UNC5B: variants seen among roughly 807,000 people sequenced by gnomAD.
UNC5B encodes the protein netrin receptor UNC5B.
In UNC5B, 56 loss-of-function variants were observed where a neutral mutation model predicts 103.7. That is an observed-to-expected ratio of 0.54 (90% CI 0.44 to 0.67). The LOEUF is 0.67. Ranked by LOEUF, UNC5B falls within the 30% of genes least tolerant of loss-of-function variation. The probability of loss-of-function intolerance (pLI) is 0.00; values close to 1 mark genes in which losing one functional copy is unlikely to be tolerated. For missense variants in UNC5B, 1,194 were observed against 1,284.5 expected (o/e 0.93, Z 1.08); for synonymous variants, 577 against 542.0 (o/e 1.06, Z -0.90).
chr10:71,274,412 ATC>A (rs1421107357), intron 1 of UNC5B, among the ~76,000 whole-genome samples: 1 of 152,208 alleles, frequency 6.6e-6, no homozygotes, highest in Non-Finnish European at 1.5e-5. Flanking sequence ...CAATGGCTGA[ATC>A]TCAAATTGCA....
chr10:71,241,830 G>T (rs554621231), intron 1 of UNC5B, among the ~76,000 whole-genome samples: 2 of 152,204 alleles, frequency 1.3e-5, no homozygotes, highest in South Asian at 4.2e-4. Context: ...GTGGGTGAAG[G>T]CCAGGCTAAC....
At position 71,291,019 on chromosome 10, in the gene UNC5B, A is replaced by G; in HGVS notation, c.1204A>G (p.Asn402Asp). The G allele has an allele frequency of 3.7e-6, 6 of 1,614,002 alleles. No homozygotes were observed. Among genetic ancestry groups the G allele is most frequent in the Non-Finnish European group, 5.1e-6 (6 of 1,179,980 alleles). Residue 402 changes from asparagine (N) to aspartate (D), a missense_variant, in exon 9 of 17, where the codon AAC (asparagine) becomes GAC (aspartate). Transcript: ENST00000335350. ...GGTGGGGGTGGTGGTGTACCGCCGC[A>G]ACTGCCGTGACTTCGACACAGACAT... is the stretch of plus-strand genomic sequence containing the variant. ...MAVGVVVYRRNCRDFDTDITD... is the reference protein window; with the variant it reads ...MAVGVVVYRRDCRDFDTDITD...
intron 1 of UNC5B, among the ~76,000 whole-genome samples, chr10:71,229,070 G>T (rs970940706): frequency 6.6e-5 from 10 of 152,204 alleles, no homozygotes; most frequent in African/African-American, 2.4e-4. Context: ...ACTGGGCGGT[G>T]AGGGAATCGA....
chr10:71,279,750 C>CG, intron 1 of UNC5B, 71 bp from the exon 2 acceptor site: 2 of 1,509,124 alleles, frequency 1.3e-6, no homozygotes, highest in Non-Finnish European at 1.8e-6. Context: ...GGTGGGCCCC[C>CG]GGGGTGGGCG....
rs764059399 is a variant in UNC5B at position 71,293,860 on chromosome 10, C to T, written c.2102C>T (p.Ala701Val). Residue 701 changes from alanine to valine, a missense_variant, in exon 13 of 17, where the codon GCC (alanine) becomes GTC (valine). Transcript: ENST00000335350. ...AVKRLQLAVF[A>V]PALCTSLEYS... The stretch of plus-strand genomic sequence containing the variant: ...AAGCGGCTCCAGCTGGCCGTCTTCG[C>T]CCCCGCCCTCTGCACCTCCCTGGAG... 14 of 1,609,006 alleles carry T rather than the reference C, an allele frequency of 8.7e-6. No individual in the cohort carries two copies. Among genetic ancestry groups the T allele is most frequent in the African/African-American group, 1.3e-5 (1 of 74,880 alleles).
rs776363822 is a variant in UNC5B, at chr10:71,286,742, C to T, written c.606C>T (p.Phe202=). 1.9e-6 allele frequency: 3 copies of T among 1,614,114 alleles called. No individual in the cohort carries two copies. Among genetic ancestry groups the T allele is most frequent in the African/African-American group, 2.7e-5 (2 of 74,948 alleles). Residue 202 remains phenylalanine, a synonymous_variant, in exon 5 of 17, where the codon TTC becomes TTT. Coordinates refer to ENST00000335350, the MANE Select transcript of UNC5B (RefSeq NM_170744.5). ...DVIDPTQDTN[F]LLTIDHNLII... is the part of the protein sequence containing the mutation. ...TCGACCCCACCCAGGACACCAACTT[C>T]CTGCTCACCATCGACCACAACCTCA...
chr10:71,212,748 A>C lies in UNC5B; in HGVS notation c.-238A>C. 1 of 341,868 alleles carries C rather than the reference A, an allele frequency of 2.9e-6. No individual in the cohort carries two copies. 21.2% of individuals were successfully genotyped at this position (341,868 alleles called of 1,614,324 possible). A position where few individuals can be genotyped will look rare whatever the true frequency, so the allele number is the denominator to read the frequency against. On this transcript the variant is annotated 5_prime_UTR_variant, in exon 1 of 17. Transcript: ENST00000335350. ...GGCGAGCGCTCAGAGACCCGGAGCC[A>C]GAGGGGCGCGCCGGAGCCTCGTTCG...
At chr10:71,226,428 T>C (rs1446184151) in intron 1 of UNC5B, among the ~76,000 whole-genome samples, 1 of 152,226 alleles carries the variant, frequency 6.6e-6, no homozygotes, top group African/African-American at 2.4e-5. Flanking sequence ...CCATGTATCA[T>C]TAGGGTCTTT....
intron 1 of UNC5B, among the ~76,000 whole-genome samples, chr10:71,243,989 G>T (rs967916478): frequency 6.6e-6 from 1 of 152,248 alleles, no homozygotes; most frequent in Admixed American, 6.5e-5. Context: ...CTGGTGTGTG[G>T]TAGTGCCAGG....
At position 71,293,834 on chromosome 10, in the gene UNC5B, C is replaced by T; in HGVS notation, c.2076C>T (p.Val692=). 6.2e-7 allele frequency: 1 copy of T among 1,611,718 alleles called. No individual in the cohort carries two copies. The highest frequency in any genetic ancestry group is 8.5e-7 in the Non-Finnish European group (1 of 1,179,610). ...GCGAGTCCTATTCCCGCTCAGCAGT[C>T]AAGCGGCTCCAGCTGGCCGTCTTCG... ...FTGESYSRSA[V]KRLQLAVFAP... The change falls in exon 13 of 17, where the codon GTC becomes GTT. Residue 692 remains valine, a synonymous_variant. Coordinates refer to ENST00000335350, the MANE Select transcript of UNC5B (RefSeq NM_170744.5).
intron 15 of UNC5B, among the ~76,000 whole-genome samples, 164 bp downstream of exon 15, chr10:71,296,906 G>C (rs1009212803): frequency 1.9e-4 from 25 of 131,274 alleles, no homozygotes; most frequent in East Asian, 4.4e-4. Context: ...AGGGAAGGGT[G>C]GGGCAGATAT....
At chr10:71,281,983 C>T (rs950607402) in intron 2 of UNC5B, among the ~76,000 whole-genome samples, 7 of 152,208 alleles carry the variant, frequency 4.6e-5, no homozygotes, top group Non-Finnish European at 7.3e-5. Context: ...CCAGGCAAGG[C>T]GAGGGAACAG....
In UNC5B at chr10:71,227,705, TATAC is replaced by T. The variant is rs1266033151; in HGVS notation, c.79+14643_79+14646del. ...ATATATACACATATATATACACACA[TATAC>T]ACACACACACACACACACACACACA... On this transcript the variant is annotated intron_variant, in intron 1 of 16. Coordinates refer to ENST00000335350, the MANE Select transcript of UNC5B (RefSeq NM_170744.5). 6.1e-3 allele frequency among the ~76,000 whole-genome samples: 739 copies of T among 120,504 alleles called. 2 individuals carry two copies. Among genetic ancestry groups the T allele is most frequent in the African/African-American group, 0.018 (538 of 29,778 alleles). 79.1% of individuals were successfully genotyped at this position (120,504 alleles called of 152,430 possible).
intron 1 of UNC5B, among the ~76,000 whole-genome samples, chr10:71,253,323 A>G (rs1844218435): frequency 1.3e-5 from 2 of 152,226 alleles, no homozygotes; most frequent in Non-Finnish European, 2.9e-5. Context: ...TGCAAGGCCC[A>G]GGCCCAGGAG....
intron 1 of UNC5B, among the ~76,000 whole-genome samples, chr10:71,248,892 C>T (rs1242657945): frequency 6.7e-6 from 1 of 149,838 alleles, no homozygotes; most frequent in African/African-American, 2.5e-5. Context: ...CACACACACA[C>T]ACACACTCAT....
chr10:71,214,004 GC>G (rs1843285427), intron 1 of UNC5B, among the ~76,000 whole-genome samples: 1 of 152,042 alleles, frequency 6.6e-6, no homozygotes, highest in African/African-American at 2.4e-5. Context: ...CGCTGGCTGG[GC>G]TGCGTCTTCT....
At chr10:71,247,499 T>A (rs1051320087) in intron 1 of UNC5B, among the ~76,000 whole-genome samples, 9 of 152,240 alleles carry the variant, frequency 5.9e-5, no homozygotes, top group Non-Finnish European at 1.2e-4. Flanking sequence ...CACTGAGGCC[T>A]CGCTGTTGGA....
rs889073339 is a variant in UNC5B at position 71,244,283 on chromosome 10, G to T, written c.79+31219G>T. Among the ~76,000 whole-genome samples, 8 of 152,362 alleles carry T rather than the reference G, an allele frequency of 5.3e-5. No individual in the cohort carries two copies. The South Asian group carries it at 1.7e-3, about 32-fold the overall frequency. On this transcript the variant is annotated intron_variant, in intron 1 of 16. Transcript: ENST00000335350. ...GGGTGGTGGCAGGTTCATCCCTACAGCCTGGGCCAATGCCTGCTGGGTAAG... is the reference window on the plus strand; with the variant it reads ...GGGTGGTGGCAGGTTCATCCCTACATCCTGGGCCAATGCCTGCTGGGTAAG...
At chr10:71,287,190 C>T (rs766290117) in intron 5 of UNC5B, among the ~76,000 whole-genome samples, 6 of 152,204 alleles carry the variant, frequency 3.9e-5, no homozygotes, top group Non-Finnish European at 8.8e-5. Context: ...GGCTTGTGAG[C>T]TATTCTCTGC....
Sources: gnomAD v4.1 joint callset for allele counts (sites outside exome capture counted in the v4.1 genomes callset) on GRCh38, gnomAD v4.1.1 for gene constraint, MANE v1.5 for transcripts, NCBI Gene and HGNC (gene_info 2026-07-23, HGNC 2026-07-21) for gene names.